RAB28: variants seen among roughly 807,000 people sequenced by gnomAD.
The protein encoded by RAB28 is ras-related protein Rab-28.
A neutral mutation model predicts 31.7 loss-of-function variants in RAB28; 24 were observed. The ratio of observed to expected loss-of-function variants is 0.76; its 90% CI spans 0.55 to 1.06. RAB28 has a LOEUF of 1.06. Among genes scored for constraint, RAB28 ranks in the 50% least tolerant of loss-of-function variants. The pLI, the probability that RAB28 is intolerant of heterozygous loss-of-function variation, is 0.00. For missense variants in RAB28, 254 were observed against 258.5 expected, an observed-to-expected ratio of 0.98 and a Z score of 0.12; for synonymous variants, 100 against 90.4, an observed-to-expected ratio of 1.11 and a Z score of -0.60.
Position 13,450,978 on chromosome 4 carries a change from G to C in RAB28, c.391+9721C>G, listed in dbSNP as rs538143955. On this transcript the variant is annotated intron_variant, in intron 4 of 6. Transcript: ENST00000330852. ...CAATCCCCTAACATTGGTAAATTTGGGTAAGGAGTTTGGATTTCATTTGAT... is the reference window on the plus strand; with the variant it reads ...CAATCCCCTAACATTGGTAAATTTGCGTAAGGAGTTTGGATTTCATTTGAT... Among the ~76,000 whole-genome samples the C allele has an allele frequency of 4.5e-4, 69 of 151,820 alleles. 1 individual carries two copies. Among genetic ancestry groups the C allele is most frequent in the Non-Finnish European group, 8.6e-4 (58 of 67,762 alleles).
At chr4:13,389,709 G>C (rs139876015) in intron 4 of RAB28, among the ~76,000 whole-genome samples, 1 of 151,410 alleles carries the variant, frequency 6.6e-6, no homozygotes, top group Non-Finnish European at 1.5e-5. Flanking sequence ...TTAGTACCAT[G>C]TTTTGTTTTT....
chr4:13,411,573 T>C (rs1712444203), intron 4 of RAB28, among the ~76,000 whole-genome samples: 1 of 152,224 alleles, frequency 6.6e-6, no homozygotes, highest in Non-Finnish European at 1.5e-5. Flanking sequence ...TAGACACTGA[T>C]TGTTTATGTT....
chr4:13,468,206 G>A (rs1172627944), intron 3 of RAB28, among the ~76,000 whole-genome samples: 1 of 151,778 alleles, frequency 6.6e-6, no homozygotes, highest in Non-Finnish European at 1.5e-5. Context: ...AATCAGTAAG[G>A]GTACAGTTGA....
rs994797338 is a variant in RAB28 at position 13,368,111 on chromosome 4, T to C, written c.*447A>G. 1.0e-6 allele frequency: 1 copy of C among 982,866 alleles called. No individual in the cohort carries two copies. The highest frequency in any genetic ancestry group is 1.7e-5 in the African/African-American group (1 of 57,150). The allele number at this position is 982,866 out of a possible 1,614,324, so 60.9% of individuals were successfully genotyped here. On this transcript the variant is annotated 3_prime_UTR_variant, in exon 7 of 7. Coordinates refer to ENST00000330852, the MANE Select transcript of RAB28 (RefSeq NM_001017979.3). Reference sequence around the variant, plus strand: ...GAATGTCTTCATAAGTATCTGTAGGTAAAATATATTACTTGCTTAATGTTT... The same window carrying C: ...GAATGTCTTCATAAGTATCTGTAGGCAAAATATATTACTTGCTTAATGTTT...
intron 4 of RAB28, among the ~76,000 whole-genome samples, chr4:13,396,341 GC>G (rs1165400370): frequency 6.6e-6 from 1 of 151,926 alleles, no homozygotes; most frequent in Admixed American, 6.6e-5. Context: ...AACTGTTTAT[GC>G]CCCTACTCAG....
chr4:13,467,037 G>A (rs928181061), intron 3 of RAB28, among the ~76,000 whole-genome samples: 2 of 151,782 alleles, frequency 1.3e-5, no homozygotes, highest in African/African-American at 4.8e-5. Context: ...GGGGGAAATG[G>A]GGAAATAGTC....
chr4:13,443,957 T>C (rs1009425467), intron 4 of RAB28, among the ~76,000 whole-genome samples: 1 of 152,202 alleles, frequency 6.6e-6, no homozygotes, highest in Non-Finnish European at 1.5e-5. Context: ...TGTGCCTGGC[T>C]TATTTTACTT....
chr4:13,427,502 T>C (rs1713571075), intron 4 of RAB28, among the ~76,000 whole-genome samples: 1 of 152,130 alleles, frequency 6.6e-6, no homozygotes, highest in African/African-American at 2.4e-5. Context: ...TGTATGAGCT[T>C]GCAAATAGAG....
rs370456888 is a variant in RAB28 at position 13,463,333 on chromosome 4, A to G, written c.262-2505T>C. ...CTACTGATAATCAGTACAGGATGAGAGATATGGAACAAACATTAAAAACTG... is the reference window on the plus strand; with the variant it reads ...CTACTGATAATCAGTACAGGATGAGGGATATGGAACAAACATTAAAAACTG... On this transcript the variant is annotated intron_variant, in intron 3 of 6. Transcript: ENST00000330852. Among the ~76,000 whole-genome samples, 27 of 152,324 alleles carry G rather than the reference A, an allele frequency of 1.8e-4. 1 individual carries two copies. Among genetic ancestry groups the G allele is most frequent in the East Asian group, 1.2e-3 (6 of 5,172 alleles).
intron 3 of RAB28, among the ~76,000 whole-genome samples, chr4:13,467,405 A>G (rs1380292681): frequency 6.6e-6 from 1 of 151,914 alleles, no homozygotes. Context: ...CATAATATCA[A>G]TTATTTTTCT....
chr4:13,471,973 G>A (rs1011395472), intron 3 of RAB28, among the ~76,000 whole-genome samples: 4 of 151,720 alleles, frequency 2.6e-5, no homozygotes, highest in African/African-American at 9.7e-5. Context: ...CTAAACTTAC[G>A]GACTTTCAAA....
intron 6 of RAB28, among the ~76,000 whole-genome samples, chr4:13,374,632 G>A (rs1422536497): frequency 2.0e-5 from 3 of 152,038 alleles, no homozygotes; most frequent in Non-Finnish European, 4.4e-5. Context: ...GGTTATCTCA[G>A]ACTTCTATCC....
chr4:13,442,988 T>C (rs1003419752), intron 4 of RAB28, among the ~76,000 whole-genome samples: 3 of 152,184 alleles, frequency 2.0e-5, no homozygotes, highest in Non-Finnish European at 4.4e-5. Context: ...TGGCAGAACA[T>C]AGTATAAAAT....
chr4:13,417,529 G>T (rs1316244000), intron 4 of RAB28, among the ~76,000 whole-genome samples: 1 of 152,182 alleles, frequency 6.6e-6, no homozygotes. Context: ...GCCCTTCTGG[G>T]ACGAAGCTTA....
rs756458248 is a variant in RAB28 at position 13,368,547 on chromosome 4, G to C, written c.*11C>G. 1.0e-5 allele frequency: 16 copies of C among 1,601,606 alleles called. No individual in the cohort carries two copies. The highest frequency in any genetic ancestry group is 1.4e-5 in the African/African-American group (1 of 73,842). ...GGCAGCCAGAACTATCAACACAAAA[G>C]AAAAATGCGCTCACTGAACTGCACA... On this transcript the variant is annotated 3_prime_UTR_variant, in exon 7 of 7. Coordinates refer to ENST00000330852, the MANE Select transcript of RAB28 (RefSeq NM_001017979.3).
At chr4:13,374,361 T>G (rs1030637536) in intron 6 of RAB28, among the ~76,000 whole-genome samples, 4 of 152,064 alleles carry the variant, frequency 2.6e-5, no homozygotes, top group Non-Finnish European at 5.9e-5. Context: ...ATATCTAAAG[T>G]CAAAATAGTA....
At chr4:13,381,427 A>T in intron 5 of RAB28, 64 bp downstream of exon 5, 5 of 1,192,414 alleles carry the variant, frequency 4.2e-6, no homozygotes, top group Non-Finnish European at 6.1e-6. Flanking sequence ...GTGGAAGTAT[A>T]CTTCCTAGGA....
intron 5 of RAB28, among the ~76,000 whole-genome samples, chr4:13,378,292 G>T (rs1417709398): frequency 6.6e-6 from 1 of 152,140 alleles, no homozygotes; most frequent in Non-Finnish European, 1.5e-5. Flanking sequence ...AGACGAGAGT[G>T]ATCAGCAATT....
At chr4:13,404,189 A>C (rs1711939533) in intron 4 of RAB28, among the ~76,000 whole-genome samples, 1 of 151,940 alleles carries the variant, frequency 6.6e-6, no homozygotes, top group Admixed American at 6.6e-5. Context: ...GACCAGCCTG[A>C]CCAACATGGA....
Sources: gnomAD v4.1 joint callset for allele counts (sites outside exome capture counted in the v4.1 genomes callset) on GRCh38, gnomAD v4.1.1 for gene constraint, MANE v1.5 for transcripts, NCBI Gene and HGNC (gene_info 2026-07-23, HGNC 2026-07-21) for gene names.